The following XKR4 variants were observed in gnomAD, a reference collection of about 807,000 sequenced individuals.
The protein encoded by XKR4 is XK-related protein 4.
In XKR4, 12 loss-of-function variants were observed where a neutral mutation model predicts 53.9. The ratio of observed to expected loss-of-function variants is 0.22; its 90% CI spans 0.14 to 0.36. The LOEUF is 0.36. Ranked by LOEUF, XKR4 falls within the 10% of genes least tolerant of loss-of-function variation. The pLI, the probability that XKR4 is intolerant of heterozygous loss-of-function variation, is 1.00. For missense variants in XKR4, 799 were observed against 859.5 expected (o/e 0.93, Z 0.88); for synonymous variants, 354 against 362.4 (o/e 0.98, Z 0.26).
chr8:55,154,556 G>A (rs114471666), intron 1 of XKR4, among the ~76,000 whole-genome samples: 4,744 of 152,264 alleles, frequency 0.031, 248 homozygotes, highest in African/African-American at 0.11. Context: ...CATGTCCAAT[G>A]TTGGATAGGA....
At chr8:55,237,547 G>A (rs1490041162) in intron 1 of XKR4, among the ~76,000 whole-genome samples, 1 of 152,126 alleles carries the variant, frequency 6.6e-6, no homozygotes, top group South Asian at 2.1e-4. Flanking sequence ...AGGGTCTCAG[G>A]GGTGGCAGAG....
At chr8:55,170,877 T>C (rs1817147748) in intron 1 of XKR4, among the ~76,000 whole-genome samples, 1 of 152,176 alleles carries the variant, frequency 6.6e-6, no homozygotes, top group Non-Finnish European at 1.5e-5. Context: ...GCACGGCTCC[T>C]AGTCTGCCCG....
chr8:55,119,724 AG>A (rs1482544648), intron 1 of XKR4, among the ~76,000 whole-genome samples: 1 of 152,176 alleles, frequency 6.6e-6, no homozygotes, highest in Non-Finnish European at 1.5e-5. Context: ...TACTCTTCAG[AG>A]GTGGGGAAAA....
chr8:55,168,972 A>G (rs1212307336), intron 1 of XKR4, among the ~76,000 whole-genome samples: 1 of 152,222 alleles, frequency 6.6e-6, no homozygotes, highest in Non-Finnish European at 1.5e-5. Context: ...TTGATAGATC[A>G]CGTCTTGATG....
At chr8:55,411,652 A>T (rs1191245314) in intron 2 of XKR4, among the ~76,000 whole-genome samples, 1 of 152,238 alleles carries the variant, frequency 6.6e-6, no homozygotes, top group Non-Finnish European at 1.5e-5. Context: ...GAATGAGGTC[A>T]GACTCGTAAA....
chr8:55,121,159 G>A (rs117992387), intron 1 of XKR4, among the ~76,000 whole-genome samples: 2,292 of 152,314 alleles, frequency 0.015, 25 homozygotes, highest in Middle Eastern at 0.048. Flanking sequence ...GCAATTATGA[G>A]CAAGGCTGCT....
chr8:55,340,256 G>A (rs1427464603), intron 1 of XKR4, among the ~76,000 whole-genome samples: 1 of 152,218 alleles, frequency 6.6e-6, no homozygotes, highest in Non-Finnish European at 1.5e-5. Flanking sequence ...AGCCAACAGA[G>A]ATGCATTTTT....
intron 2 of XKR4, among the ~76,000 whole-genome samples, chr8:55,460,262 C>A (rs1805634909): frequency 6.6e-6 from 1 of 152,130 alleles, no homozygotes; most frequent in South Asian, 2.1e-4. Flanking sequence ...CAGTGGCTAT[C>A]TGAAATGGGA....
At chr8:55,267,010 G>C (rs1366722022) in intron 1 of XKR4, among the ~76,000 whole-genome samples, 1 of 152,130 alleles carries the variant, frequency 6.6e-6, no homozygotes, top group Non-Finnish European at 1.5e-5. Flanking sequence ...TCAAAGATCA[G>C]GTAATATTTT....
At position 55,524,488 on chromosome 8, in the gene XKR4, C is replaced by A; in HGVS notation, c.*261C>A. ...CCATTGCTACCAAACTCCTCCTGCA[C>A]GGTCTTGGGTGCACCCACCAGAGGG... On this transcript the variant is annotated 3_prime_UTR_variant, in exon 3 of 3. Coordinates refer to ENST00000327381, the MANE Select transcript of XKR4 (RefSeq NM_052898.2). 3.9e-6 allele frequency: 2 copies of A among 512,210 alleles called. No homozygotes were observed. Among genetic ancestry groups the A allele is most frequent in the Non-Finnish European group, 7.0e-6 (2 of 286,846 alleles). 31.7% of individuals were successfully genotyped at this position (512,210 alleles called of 1,614,324 possible). A position where few individuals can be genotyped will look rare whatever the true frequency, so the allele number is the denominator to read the frequency against.
intron 1 of XKR4, among the ~76,000 whole-genome samples, chr8:55,153,539 T>C (rs1041520051): frequency 3.0e-4 from 45 of 152,220 alleles, no homozygotes; most frequent in African/African-American, 8.7e-4. Flanking sequence ...ACTACAATGA[T>C]AAAAATAAAA....
intron 1 of XKR4, among the ~76,000 whole-genome samples, chr8:55,131,575 C>A (rs1411051077): frequency 6.6e-6 from 1 of 152,204 alleles, no homozygotes; most frequent in Non-Finnish European, 1.5e-5. Context: ...CTCTTCAGCA[C>A]ATTAGATGCC....
intron 2 of XKR4, among the ~76,000 whole-genome samples, chr8:55,461,742 T>C (rs1805661531): frequency 6.6e-6 from 1 of 152,154 alleles, no homozygotes; most frequent in Non-Finnish European, 1.5e-5. Flanking sequence ...ATTAGACGAA[T>C]GGATAACTAG....
At chr8:55,360,981 G>GAGAGCAGGGCAGAGC (rs1803895150) in intron 2 of XKR4, among the ~76,000 whole-genome samples, 1 of 152,210 alleles carries the variant, frequency 6.6e-6, no homozygotes, top group African/African-American at 2.4e-5. Context: ...CATCTGTTCA[G>GAGAGCAGGGCAGAGC]AGAGCAGGAA....
chr8:55,380,359 G>A (rs1337778693), intron 2 of XKR4, among the ~76,000 whole-genome samples: 1 of 152,180 alleles, frequency 6.6e-6, no homozygotes, highest in Admixed American at 6.5e-5. Flanking sequence ...CCTTCAAAAA[G>A]AGTTTAGTGT....
chr8:55,249,431 C>T (rs1433846476), intron 1 of XKR4, among the ~76,000 whole-genome samples: 2 of 152,172 alleles, frequency 1.3e-5, no homozygotes, highest in East Asian at 3.9e-4. Context: ...CATGTGACCT[C>T]CTAGTCGAAT....
intron 2 of XKR4, among the ~76,000 whole-genome samples, chr8:55,516,347 AGT>A: frequency 6.6e-6 from 1 of 152,156 alleles, no homozygotes; most frequent in Non-Finnish European, 1.5e-5. Context: ...TTATGGTGAG[AGT>A]GTGAGGAGAA....
At chr8:55,207,319 C>A (rs1404848303) in intron 1 of XKR4, among the ~76,000 whole-genome samples, 1 of 152,174 alleles carries the variant, frequency 6.6e-6, no homozygotes, top group Non-Finnish European at 1.5e-5. Context: ...GTGTCCAGAG[C>A]CTATCTACAA....
At chr8:55,285,157 T>C (rs1324671331) in intron 1 of XKR4, among the ~76,000 whole-genome samples, 1 of 152,246 alleles carries the variant, frequency 6.6e-6, no homozygotes, top group Non-Finnish European at 1.5e-5. Context: ...TAAACAAATC[T>C]ACTTTTTCTC....
Sources: gnomAD v4.1 joint callset for allele counts (sites outside exome capture counted in the v4.1 genomes callset) on GRCh38, gnomAD v4.1.1 for gene constraint, MANE v1.5 for transcripts, NCBI Gene and HGNC (gene_info 2026-07-23, HGNC 2026-07-21) for gene names.